Variants in SCMH1 observed in about 807,000 individuals in gnomAD.
SCMH1 encodes the protein Scm polycomb group protein homolog 1.
A neutral mutation model predicts 70.8 loss-of-function variants in SCMH1; 37 were observed. The ratio of observed to expected loss-of-function variants is 0.52; its 90% confidence interval spans 0.40 to 0.69. The LOEUF (loss-of-function observed/expected upper bound fraction) is 0.69, where lower values mean the gene tolerates loss of function less well. Among genes scored for constraint, SCMH1 ranks in the 30% least tolerant of loss-of-function variants. The pLI is 0.00. For missense variants in SCMH1, 607 were observed against 827.3 expected, an observed-to-expected ratio of 0.73 and a Z score of 3.27; for synonymous variants, 292 against 307.4, an observed-to-expected ratio of 0.95 and a Z score of 0.52.
intron 2 of SCMH1, among the ~76,000 whole-genome samples, chr1:41,184,643 G>A (rs1019637604): frequency 2.0e-5 from 3 of 152,020 alleles, no homozygotes; most frequent in African/African-American, 7.2e-5. Context: ...TTCACTACAG[G>A]GAAGCAGATG....
intron 11 of SCMH1, 126 bp downstream of exon 11, chr1:41,048,564 A>C (rs1647120222): frequency 1.2e-6 from 1 of 831,036 alleles, no homozygotes; most frequent in Non-Finnish European, 2.0e-6. Flanking sequence ...TGAGGAATGG[A>C]ATACCTTCAC....
intron 1 of SCMH1, among the ~76,000 whole-genome samples, chr1:41,236,185 G>C (rs2148930755): frequency 6.6e-6 from 1 of 152,224 alleles, no homozygotes; most frequent in East Asian, 1.9e-4. Flanking sequence ...AGAAACCAAG[G>C]GTGTGTATAG....
intron 1 of SCMH1, among the ~76,000 whole-genome samples, chr1:41,232,135 G>C (rs1291382069): frequency 6.6e-6 from 1 of 152,030 alleles, no homozygotes; most frequent in Non-Finnish European, 1.5e-5. Flanking sequence ...CTTAGGTAAA[G>C]TTATTATATC....
intron 2 of SCMH1, among the ~76,000 whole-genome samples, chr1:41,172,990 A>C (rs1039774878): frequency 6.6e-6 from 1 of 152,202 alleles, no homozygotes; most frequent in African/African-American, 2.4e-5. Flanking sequence ...CTACTAGAAA[A>C]AAAATGTAGG....
At chr1:41,079,535 A>C (rs76387012) in intron 8 of SCMH1, among the ~76,000 whole-genome samples, 2,030 of 152,324 alleles carry the variant, frequency 0.013, 45 homozygotes, top group African/African-American at 0.046. Context: ...TGATACATAT[A>C]CCTAATAAAT....
intron 7 of SCMH1, among the ~76,000 whole-genome samples, chr1:41,114,472 T>A (rs1669956388): frequency 6.6e-6 from 1 of 152,228 alleles, no homozygotes; most frequent in South Asian, 2.1e-4. Context: ...TTGTTTTTGC[T>A]ATTCATTCTC....
intron 1 of SCMH1, among the ~76,000 whole-genome samples, chr1:41,200,858 A>G (rs567920396): frequency 1.3e-5 from 2 of 152,204 alleles, no homozygotes; most frequent in African/African-American, 4.8e-5. Context: ...GCTTTTCATG[A>G]TAACAAAATG....
chr1:41,148,876 C>T (rs141798092), intron 5 of SCMH1, among the ~76,000 whole-genome samples: 1,663 of 152,192 alleles, frequency 0.011, 39 homozygotes, highest in African/African-American at 0.037. Context: ...CTGCAAGCTC[C>T]GCCTCCCAGG....
intron 1 of SCMH1, among the ~76,000 whole-genome samples, chr1:41,237,018 C>T (rs1372881399): frequency 6.6e-6 from 1 of 152,200 alleles, no homozygotes; most frequent in African/African-American, 2.4e-5. Context: ...AAAGACCCAA[C>T]ATTTGAGTGC....
chr1:41,117,165 A>C (rs1000274391), intron 6 of SCMH1, among the ~76,000 whole-genome samples, 155 bp from the exon 7 acceptor site: 7 of 152,194 alleles, frequency 4.6e-5, no homozygotes, highest in African/African-American at 1.7e-4. Context: ...TATACTAGAT[A>C]TAGATCATAG....
Position 41,033,963 on chromosome 1 carries a change from A to G in SCMH1, c.1678+3399T>C. On this transcript the variant is annotated intron_variant, in intron 13 of 14. Transcript: ENST00000337495. ...ACAGGGCCTTGGGGAAGATAAAAATAACAGTAACTCCCCTCATACCTGGGG... is the reference window on the plus strand; with the variant it reads ...ACAGGGCCTTGGGGAAGATAAAAATGACAGTAACTCCCCTCATACCTGGGG... 1.2e-6 allele frequency: 2 copies of G among 1,613,908 alleles called. No individual in the cohort carries two copies. Among genetic ancestry groups the G allele is most frequent in the South Asian group, 1.1e-5 (1 of 91,038 alleles).
chr1:41,042,521 C>T (rs1017715939), intron 12 of SCMH1, among the ~76,000 whole-genome samples: 9 of 152,180 alleles, frequency 5.9e-5, no homozygotes, highest in Non-Finnish European at 1.2e-4. Flanking sequence ...GCTGGGATTA[C>T]AGGCATGAGC....
At chr1:41,116,505 G>T (rs1008252973) in intron 7 of SCMH1, among the ~76,000 whole-genome samples, 3 of 152,088 alleles carry the variant, frequency 2.0e-5, no homozygotes, top group African/African-American at 7.2e-5. Context: ...TTAGCTGTGG[G>T]TATTACATGA....
In SCMH1 at chr1:41,048,292, C is replaced by T. The variant is rs569240468; in HGVS notation, c.1306+398G>A. ...CTCTTCTTCTGGGCCTGGTTTAGGA[C>T]GAGGAAGCTAAGGAATCAAAGGAAT... is the stretch of plus-strand genomic sequence containing the variant. On this transcript the variant is annotated intron_variant, in intron 11 of 14. Transcript: ENST00000337495. Among the ~76,000 whole-genome samples the T allele has an allele frequency of 3.3e-5, 5 of 152,246 alleles. No individual in the cohort carries two copies. The South Asian group carries it at 8.3e-4, about 25-fold the overall frequency.
chr1:41,046,319 T>C (rs1646889218), intron 12 of SCMH1, 88 bp downstream of exon 12: 1 of 1,135,060 alleles, frequency 8.8e-7, no homozygotes, highest in Non-Finnish European at 1.3e-6. Context: ...GCCAGGCCAG[T>C]AGTTCTGAAG....
chr1:41,228,427 A>C (rs1660674046), intron 1 of SCMH1, among the ~76,000 whole-genome samples: 1 of 152,216 alleles, frequency 6.6e-6, no homozygotes, highest in Non-Finnish European at 1.5e-5. Context: ...ATTTTACCAC[A>C]ATTAAAAAAT....
chr1:41,179,157 G>A (rs545686280), intron 2 of SCMH1, among the ~76,000 whole-genome samples: 341 of 152,104 alleles, frequency 2.2e-3, no homozygotes, highest in South Asian at 9.2e-3. Flanking sequence ...ACGAAATGAA[G>A]GCAGAAATAA....
exon 12 of SCMH1, chr1:41,046,566 G>A (rs779649488): frequency 6.2e-7 from 1 of 1,614,220 alleles, no homozygotes; most frequent in South Asian, 1.1e-5. Context: ...ACTGCTGGGA[G>A]GTTGAGGGTA....
At chr1:41,210,155 T>C (rs1000907624) in intron 1 of SCMH1, among the ~76,000 whole-genome samples, 1 of 152,134 alleles carries the variant, frequency 6.6e-6, no homozygotes, top group Non-Finnish European at 1.5e-5. Flanking sequence ...TTACAAGGGA[T>C]GTGAAGGACC....
Sources: gnomAD v4.1 joint callset for allele counts (sites outside exome capture counted in the v4.1 genomes callset) on GRCh38, gnomAD v4.1.1 for gene constraint, MANE v1.5 for transcripts, NCBI Gene and HGNC (gene_info 2026-07-23, HGNC 2026-07-21) for gene names.